Variants in SLC25A30 observed in about 807,000 individuals in gnomAD.
The protein encoded by SLC25A30 is solute carrier family 25 member 30, also known as kidney mitochondrial carrier protein 1.
SLC25A30 carries 29 observed loss-of-function variants against 42.7 expected under a neutral mutation model. The observed-to-expected ratio is 0.68, with a 90% confidence interval of 0.51 to 0.93. The LOEUF (loss-of-function observed/expected upper bound fraction) is 0.93. SLC25A30 is among the 40% of genes least tolerant of loss of function. SLC25A30 has a pLI of 0.00. For synonymous variants in SLC25A30, 124 were observed against 131.0 expected (o/e 0.95, Z 0.37); for missense variants, 300 against 359.7 (o/e 0.83, Z 1.34).
chr13:45,426,287 A>G, the SLC25A30 span, among the ~76,000 whole-genome samples: 2 of 151,502 alleles, frequency 1.3e-5, no homozygotes, highest in Non-Finnish European at 2.9e-5. Flanking sequence ...GGGTTTCACC[A>G]TGTTGGCTAG....
intron 8 of SLC25A30, chr13:45,398,266 C>T (rs113790917): frequency 0.028 from 4,228 of 153,318 alleles, 201 homozygotes; most frequent in African/African-American, 0.094. Context: ...TGGGTACACA[C>T]GGACATAAAG....
At chr13:45,430,689 C>T in the SLC25A30 span, among the ~76,000 whole-genome samples, 3 of 152,008 alleles carry the variant, frequency 2.0e-5, no homozygotes, top group African/African-American at 4.8e-5. Context: ...TGCCTGTAGT[C>T]CCAGCCACTT....
At chr13:45,423,839 T>C in the SLC25A30 span, among the ~76,000 whole-genome samples, 3 of 65,244 alleles carry the variant, frequency 4.6e-5, no homozygotes, top group East Asian at 3.8e-4. Context: ...TTTATATATA[T>C]AAATATGTAA....
rs1881109764 is a variant in SLC25A30, at chr13:45,393,651, G to A, written c.*2323C>T. On this transcript the variant is annotated 3_prime_UTR_variant, in exon 10 of 10. Transcript: ENST00000519676. ...TACTTATAGCCAGAACCCTGACAAC[G>A]AGGGGACCAAGTCTCCCAATTCCTT... 1.0e-5 allele frequency: 10 copies of A among 985,322 alleles called. No individual in the cohort carries two copies. Among genetic ancestry groups the A allele is most frequent in the Non-Finnish European group, 1.2e-5 (10 of 829,914 alleles). 61.0% of individuals were successfully genotyped at this position (985,322 alleles called of 1,614,324 possible).
the SLC25A30 span, among the ~76,000 whole-genome samples, chr13:45,424,581 A>ATATATAAATT: frequency 8.9e-4 from 40 of 44,988 alleles, 2 homozygotes; most frequent in African/African-American, 2.9e-3. Flanking sequence ...ATATATAAAT[A>ATATATAAATT]TATATAAATA....
chr13:45,420,204 G>A (rs1883854463), upstream of SLC25A30: 1 of 152,302 alleles, frequency 6.6e-6, no homozygotes, highest in South Asian at 2.1e-4. Flanking sequence ...CAGAACCAGG[G>A]CCCAGGGCCA....
chr13:45,402,648 G>T, intron 5 of SLC25A30: 1 of 503,530 alleles, frequency 2.0e-6, no homozygotes, highest in Non-Finnish European at 2.5e-6. Flanking sequence ...ACTGATTTTT[G>T]TGAAAAAAGT....
At chr13:45,425,844 C>A in the SLC25A30 span, among the ~76,000 whole-genome samples, 1 of 145,970 alleles carries the variant, frequency 6.9e-6, no homozygotes, top group Non-Finnish European at 1.5e-5. Flanking sequence ...AGGTGCCCGC[C>A]AGCATGCCCA....
intron 1 of SLC25A30, among the ~76,000 whole-genome samples, chr13:45,415,321 T>C (rs9526070): frequency 0.31 from 47,352 of 152,052 alleles, 8,959 homozygotes; most frequent in Non-Finnish European, 0.43. Context: ...ACCCTTCCTC[T>C]AGATAGTACT....
chr13:45,420,931 TA>T (rs1451092564), upstream of SLC25A30, among the ~76,000 whole-genome samples: 1 of 152,120 alleles, frequency 6.6e-6, no homozygotes, highest in Non-Finnish European at 1.5e-5. Context: ...TAGATGGTAG[TA>T]TTTTCAGTGT....
intron 3 of SLC25A30, among the ~76,000 whole-genome samples, chr13:45,408,669 G>A (rs1882730786): frequency 6.6e-6 from 1 of 152,152 alleles, no homozygotes; most frequent in Non-Finnish European, 1.5e-5. Flanking sequence ...CGAACAGAAT[G>A]TTTTTAAACA....
At position 45,407,795 on chromosome 13, in the gene SLC25A30, C is replaced by T. The variant is rs563617739; in HGVS notation, c.212+1132G>A. Among the ~76,000 whole-genome samples, 18 of 152,282 alleles carry T rather than the reference C, an allele frequency of 1.2e-4. No individual in the cohort carries two copies. In the South Asian group the frequency reaches 3.7e-3, roughly 32 times the overall value. On this transcript the variant is annotated intron_variant, in intron 3 of 9. Transcript: ENST00000519676. ...CCAGCTACACACTGGCAAAAACCAC[C>T]AATTGAGACATTAGTCTTGGCTCCT...
At chr13:45,425,180 A>T in the SLC25A30 span, among the ~76,000 whole-genome samples, 1 of 99,372 alleles carries the variant, frequency 1.0e-5, no homozygotes, top group Non-Finnish European at 1.8e-5. Context: ...GTATATAAAT[A>T]TATATACATA....
At chr13:45,424,048 T>A in the SLC25A30 span, among the ~76,000 whole-genome samples, 3 of 83,842 alleles carry the variant, frequency 3.6e-5, no homozygotes, top group African/African-American at 1.4e-4. Context: ...TAAATATATA[T>A]AAATCTATAA....
chr13:45,423,815 A>ATAAATATATATTTATATAT, the SLC25A30 span, among the ~76,000 whole-genome samples: 66 of 55,730 alleles, frequency 1.2e-3, 1 homozygote, highest in African/African-American at 4.1e-3. Flanking sequence ...TATATATAAA[A>ATAAATATATATTTATATAT]ATATAAATAT....
At chr13:45,421,258 A>G (rs775948064), upstream of SLC25A30, among the ~76,000 whole-genome samples, 3 of 151,800 alleles carry the variant, frequency 2.0e-5, no homozygotes, top group African/African-American at 4.8e-5. Flanking sequence ...GCCTGCCTAT[A>G]GTTCCAGCTG....
intron 3 of SLC25A30, among the ~76,000 whole-genome samples, chr13:45,407,099 A>G (rs1437082123): frequency 6.6e-6 from 1 of 151,914 alleles, no homozygotes; most frequent in African/African-American, 2.4e-5. Flanking sequence ...CCATCTCTAT[A>G]AAAAATATAA....
the SLC25A30 span, among the ~76,000 whole-genome samples, chr13:45,432,738 T>G: frequency 6.6e-6 from 1 of 150,678 alleles, no homozygotes; most frequent in African/African-American, 2.4e-5. Flanking sequence ...ATTCAGCATG[T>G]TAAAAAAAAA....
intron 5 of SLC25A30, among the ~76,000 whole-genome samples, 191 bp from the exon 6 acceptor site, chr13:45,402,561 A>C (rs1882099639): frequency 6.6e-6 from 1 of 152,128 alleles, no homozygotes. Flanking sequence ...ATTCTTAGGA[A>C]CTCTGAGATC....
Sources: gnomAD v4.1 joint callset for allele counts (sites outside exome capture counted in the v4.1 genomes callset) on GRCh38, gnomAD v4.1.1 for gene constraint, MANE v1.5 for transcripts, NCBI Gene and HGNC (gene_info 2026-07-23, HGNC 2026-07-21) for gene names.